VPS13A: variants seen among roughly 807,000 people sequenced by gnomAD.
The protein encoded by VPS13A is intermembrane lipid transfer protein VPS13A.
VPS13A carries 264 observed loss-of-function variants against 390.9 expected under a neutral mutation model. That is an observed-to-expected ratio of 0.68 (90% CI 0.61 to 0.75). The LOEUF is 0.75. Ranked by LOEUF, VPS13A falls within the 30% of genes least tolerant of loss-of-function variation. The pLI is 0.00. For missense variants in VPS13A, 3,409 were observed against 3,733.9 expected (o/e 0.91, Z 2.27); for synonymous variants, 1,231 against 1,227.1 (o/e 1.00, Z -0.07).
chr9:77,207,417 T>C (rs1825745100), intron 5 of VPS13A, among the ~76,000 whole-genome samples: 1 of 150,282 alleles, frequency 6.7e-6, no homozygotes, highest in South Asian at 2.1e-4. Flanking sequence ...ACACACATCC[T>C]TTTATGATGT....
In VPS13A at chr9:77,348,640, A is replaced by G. The variant is rs1831296805; in HGVS notation, c.7290-2677A>G. Among the ~76,000 whole-genome samples, 4 of 152,114 alleles carry G rather than the reference A, an allele frequency of 2.6e-5. No homozygotes were observed. The South Asian group carries it at 8.3e-4, about 32-fold the overall frequency. On this transcript the variant is annotated intron_variant, in intron 52 of 71. Coordinates refer to ENST00000360280, the MANE Select transcript of VPS13A (RefSeq NM_033305.3). ...AAATTTAGGAAAAAAAAAAAGAAAA[A>G]TGCCATTCTATGTGATCCCTTCCCT...
chr9:77,230,562 C>T (rs1007166211), intron 17 of VPS13A, among the ~76,000 whole-genome samples: 1 of 152,066 alleles, frequency 6.6e-6, no homozygotes, highest in Admixed American at 6.5e-5. Context: ...TTTCTAGACT[C>T]TTAATTCTAA....
chr9:77,272,447 A>G (rs1016665686), intron 23 of VPS13A, among the ~76,000 whole-genome samples: 2 of 152,222 alleles, frequency 1.3e-5, no homozygotes, highest in Non-Finnish European at 2.9e-5. Context: ...CAACACAGAT[A>G]CTCACCAACA....
chr9:77,179,252 A>G (rs912466287), intron 1 of VPS13A, among the ~76,000 whole-genome samples: 5 of 152,210 alleles, frequency 3.3e-5, no homozygotes, highest in African/African-American at 1.2e-4. Flanking sequence ...ATGCAGTAAA[A>G]TTCACTCTTG....
rs771883341 is a variant in VPS13A, at chr9:77,340,195, T to A, written c.6792T>A (p.Thr2264=). The A allele has an allele frequency of 1.2e-5, 20 of 1,613,126 alleles. No individual in the cohort carries two copies. Among genetic ancestry groups the A allele is most frequent in the Non-Finnish European group, 1.6e-5 (19 of 1,179,600 alleles). ...TTTCCTAGGTTCAACTTATGGTAAC[T>A]GATAGTGAGTTGTCCAATCAGTTTT... ...FNNNKVQLMV[T]DSELSNQFSI... is the part of the protein sequence containing the mutation. Residue 2264 remains threonine, a synonymous_variant, in exon 49 of 72, where the codon ACT becomes ACA. Coordinates refer to ENST00000360280, the MANE Select transcript of VPS13A (RefSeq NM_033305.3).
chr9:77,269,469 C>T (rs557719109), intron 23 of VPS13A, among the ~76,000 whole-genome samples: 3 of 152,106 alleles, frequency 2.0e-5, no homozygotes, highest in Non-Finnish European at 4.4e-5. Flanking sequence ...TCTTGAAATC[C>T]AGAAAGGTTA....
chr9:77,375,607 C>A (rs1833023955), intron 67 of VPS13A, among the ~76,000 whole-genome samples: 1 of 152,038 alleles, frequency 6.6e-6, no homozygotes, highest in African/African-American at 2.4e-5. Context: ...ATAAAATAGC[C>A]TTAATTTTTA....
intron 68 of VPS13A, chr9:77,382,375 G>GT (rs1326920507): frequency 6.8e-7 from 1 of 1,481,004 alleles, no homozygotes; most frequent in African/African-American, 1.4e-5. Context: ...ACGTACAGCT[G>GT]TTTCAGTATT....
Position 77,376,518 on chromosome 9 carries a change from G to A in VPS13A, c.9077+5369G>A, listed in dbSNP as rs191795432. 1.2e-4 allele frequency among the ~76,000 whole-genome samples: 19 copies of A among 152,300 alleles called. No individual in the cohort carries two copies. The East Asian group carries it at 3.7e-3, about 29-fold the overall frequency. ...ATGTATTTTAAAGATAGTGGCAATA[G>A]CATTAGTTGATAAATTGGATGCAGG... On this transcript the variant is annotated intron_variant, in intron 67 of 71. Transcript: ENST00000360280.
intron 6 of VPS13A, 32 bp downstream of exon 6, chr9:77,209,564 A>G: frequency 7.5e-7 from 1 of 1,341,860 alleles, no homozygotes; most frequent in Non-Finnish European, 1.0e-6. Flanking sequence ...ATTTGTTTTT[A>G]TATTTATATG....
At chr9:77,242,736 A>AT (rs762383760) in intron 19 of VPS13A, among the ~76,000 whole-genome samples, 3 of 151,856 alleles carry the variant, frequency 2.0e-5, no homozygotes, top group African/African-American at 4.8e-5. Flanking sequence ...AGATTTTGAG[A>AT]TTTTTTATCT....
At position 77,396,878 on chromosome 9, in the gene VPS13A, C is replaced by T. The variant is rs74533203; in HGVS notation, c.9190-6358C>T. Among the ~76,000 whole-genome samples, 668 of 152,308 alleles carry T rather than the reference C, an allele frequency of 4.4e-3. 3 individuals are homozygous for T. The highest frequency in any genetic ancestry group is 0.015 in the African/African-American group (631 of 41,552). On this transcript the variant is annotated intron_variant, in intron 68 of 71. Transcript: ENST00000360280. Reference sequence around the variant, plus strand: ...TAGAATCTATTCATAAATGCTTCCTCTTTCCCACTCATCTCCGGAACCCTC... The same window carrying T: ...TAGAATCTATTCATAAATGCTTCCTTTTTCCCACTCATCTCCGGAACCCTC...
At chr9:77,250,503 A>G (rs978492850) in intron 21 of VPS13A, among the ~76,000 whole-genome samples, 1 of 152,196 alleles carries the variant, frequency 6.6e-6, no homozygotes, top group African/African-American at 2.4e-5. Context: ...ACTACTAAGC[A>G]TCCTACGATG....
In VPS13A at chr9:77,344,296, CT is replaced by C. The variant is rs771243103; in HGVS notation, c.7155+21del. Reference sequence around the variant, plus strand: ...TAGATAACGAGGTAAGTTTTTTTTTCTTTTTTGCATGTGTCATTAGGAAAGC... The same window carrying C: ...TAGATAACGAGGTAAGTTTTTTTTTCTTTTTGCATGTGTCATTAGGAAAGC... On this transcript the variant is annotated intron_variant, in intron 51 of 71. Transcript: ENST00000360280. 2 of 1,609,212 alleles carry C rather than the reference CT, an allele frequency of 1.2e-6. No homozygotes were observed. Among genetic ancestry groups the C allele is most frequent in the African/African-American group, 1.3e-5 (1 of 74,596 alleles).
chr9:77,350,718 T>C (rs914385397), intron 52 of VPS13A, among the ~76,000 whole-genome samples: 3 of 152,152 alleles, frequency 2.0e-5, no homozygotes, highest in African/African-American at 7.2e-5. Flanking sequence ...TACAAAGATA[T>C]GTCTAGAATG....
rs1252866522 is a variant in VPS13A, at chr9:77,384,607, G to A, written c.9189+2520G>A. On this transcript the variant is annotated intron_variant, in intron 68 of 71. Coordinates refer to ENST00000360280, the MANE Select transcript of VPS13A (RefSeq NM_033305.3). ...CAGAAAATTCAATTCTACAGGGAGT[G>A]GATTATGACTCACAGTAGCAGTAGT... The A allele has an allele frequency of 6.2e-7, 1 of 1,610,778 alleles. No individual in the cohort carries two copies. Among genetic ancestry groups the A allele is most frequent in the Admixed American group, 1.7e-5 (1 of 59,960 alleles).
intron 33 of VPS13A, among the ~76,000 whole-genome samples, chr9:77,298,896 G>A (rs951814510): frequency 1.2e-4 from 19 of 152,062 alleles, no homozygotes; most frequent in Non-Finnish European, 2.2e-4. Context: ...TTTGCCTGCC[G>A]CTGTGTAAGA....
chr9:77,365,598 C>T (rs1832387351), intron 60 of VPS13A, 25 bp downstream of exon 60: 1 of 1,431,350 alleles, frequency 7.0e-7, no homozygotes, highest in Non-Finnish European at 9.8e-7. Flanking sequence ...TTTTTATTGT[C>T]CTTGATAATC....
In VPS13A at chr9:77,306,413, T is replaced by TG. The variant is rs1491565755; in HGVS notation, c.3961-1532_3961-1531insG. On this transcript the variant is annotated intron_variant, in intron 34 of 71. Coordinates refer to ENST00000360280, the MANE Select transcript of VPS13A (RefSeq NM_033305.3). ...GAGAGAGAGAGAGAGTGTGTGTGTG[T>TG]TTGTGTGTGTGTGTGTGTGTGTGTG... 6.1e-4 allele frequency among the ~76,000 whole-genome samples: 83 copies of TG among 136,942 alleles called. No homozygotes were observed. The East Asian group carries it at 6.1e-3, about 10-fold the overall frequency. The allele number at this position is 136,942 out of a possible 152,430, so 89.8% of individuals were successfully genotyped here. A position where few individuals can be genotyped will look rare whatever the true frequency, so the allele number is the denominator to read the frequency against.
Sources: gnomAD v4.1 joint callset for allele counts (sites outside exome capture counted in the v4.1 genomes callset) on GRCh38, gnomAD v4.1.1 for gene constraint, MANE v1.5 for transcripts, NCBI Gene and HGNC (gene_info 2026-07-23, HGNC 2026-07-21) for gene names.